IL1RAPL2: variants seen among roughly 807,000 people sequenced by gnomAD.
IL1RAPL2 encodes X-linked interleukin-1 receptor accessory protein-like 2.
Under a neutral mutation model 44.1 loss-of-function variants are expected in IL1RAPL2, and 3 were observed. The observed-to-expected ratio is 0.07, with a 90% CI of 0.03 to 0.18. IL1RAPL2 has a LOEUF of 0.18. Ranked by LOEUF, IL1RAPL2 falls within the 10% of genes least tolerant of loss-of-function variation. IL1RAPL2 has a pLI of 1.00. For missense variants in IL1RAPL2, 391 were observed against 496.4 expected, an observed-to-expected ratio of 0.79 and a Z score of 2.02; for synonymous variants, 181 against 178.8, an observed-to-expected ratio of 1.01 and a Z score of -0.10.
At chrX:105,305,498 C>A (rs954096946) in intron 5 of IL1RAPL2, among the ~76,000 whole-genome samples, 14 of 110,656 alleles carry the variant, frequency 1.3e-4, no homozygotes, top group Non-Finnish European at 2.5e-4. Flanking sequence ...CCACTCCTTT[C>A]TCTGTCTCCC....
chrX:105,150,137 A>C (rs1210065049), intron 2 of IL1RAPL2, among the ~76,000 whole-genome samples: 1 of 111,417 alleles, frequency 9.0e-6, no homozygotes, highest in Non-Finnish European at 1.9e-5. Context: ...ACATGACATC[A>C]AAACAAACTA....
At chrX:104,916,205 G>A (rs1333996357) in intron 2 of IL1RAPL2, among the ~76,000 whole-genome samples, 12 of 111,856 alleles carry the variant, frequency 1.1e-4, no homozygotes, top group Non-Finnish European at 2.1e-4. Flanking sequence ...CCATGAGCAT[G>A]GAATATTCTT....
intron 2 of IL1RAPL2, among the ~76,000 whole-genome samples, chrX:104,897,255 T>C (rs924048147): frequency 1.5e-4 from 17 of 112,120 alleles, no homozygotes; most frequent in Non-Finnish European, 2.4e-4. Context: ...TCTTCACACA[T>C]GCTCCTGGAG....
At chrX:105,425,191 G>A (rs1231912762) in intron 5 of IL1RAPL2, among the ~76,000 whole-genome samples, 1 of 111,173 alleles carries the variant, frequency 9.0e-6, no homozygotes, top group East Asian at 2.8e-4. Context: ...ACCTTGGAAG[G>A]GTATGGACAT....
chrX:105,528,947 C>T (rs926302249), intron 6 of IL1RAPL2, among the ~76,000 whole-genome samples: 1 of 111,414 alleles, frequency 9.0e-6, no homozygotes, highest in Non-Finnish European at 1.9e-5. Context: ...AGAACAGTTT[C>T]CAAGCCCTTT....
intron 2 of IL1RAPL2, among the ~76,000 whole-genome samples, chrX:104,797,196 C>G (rs79708337): frequency 5.1e-5 from 2 of 39,333 alleles, no homozygotes; most frequent in African/African-American, 1.7e-4. Flanking sequence ...CCCCCCCCCC[C>G]CCCCCGCAAA....
chrX:104,896,460 A>G (rs750434332), intron 2 of IL1RAPL2, among the ~76,000 whole-genome samples: 2 of 111,360 alleles, frequency 1.8e-5, no homozygotes, highest in African/African-American at 3.3e-5. Context: ...CCAATTCCCA[A>G]CAGCAGTTGG....
chrX:104,761,899 C>T (rs566175507), intron 2 of IL1RAPL2, among the ~76,000 whole-genome samples: 52 of 50,647 alleles, frequency 1.0e-3, no homozygotes, highest in Non-Finnish European at 1.2e-3. Flanking sequence ...TTCTCCTTCT[C>T]CTTCTCCTTC....
chrX:105,266,640 C>T (rs1241047123), intron 4 of IL1RAPL2, among the ~76,000 whole-genome samples: 2 of 111,672 alleles, frequency 1.8e-5, no homozygotes, highest in Non-Finnish European at 3.8e-5. Context: ...ACATTCCTAT[C>T]AGGAGAGTAA....
At chrX:104,869,681 A>G (rs372124372) in intron 2 of IL1RAPL2, among the ~76,000 whole-genome samples, 1 of 112,127 alleles carries the variant, frequency 8.9e-6, no homozygotes, top group East Asian at 2.8e-4. Flanking sequence ...AACATTAGGT[A>G]TATCTCCTAT....
chrX:104,713,414 G>T (rs1056752484), intron 2 of IL1RAPL2, among the ~76,000 whole-genome samples: 1 of 110,763 alleles, frequency 9.0e-6, no homozygotes, highest in Non-Finnish European at 1.9e-5. Context: ...CACATTACTT[G>T]AAATTGTTTA....
At chrX:105,341,876 A>T (rs2035073216) in intron 5 of IL1RAPL2, among the ~76,000 whole-genome samples, 1 of 110,666 alleles carries the variant, frequency 9.0e-6, no homozygotes, top group South Asian at 3.9e-4. Flanking sequence ...GTTTGCTGTG[A>T]GCGGAAAGAT....
At chrX:104,574,469 A>C (rs1928208075) in intron 1 of IL1RAPL2, among the ~76,000 whole-genome samples, 1 of 111,979 alleles carries the variant, frequency 8.9e-6, no homozygotes, top group African/African-American at 3.3e-5. Flanking sequence ...GTACTGTTTA[A>C]ATTGGTCCAT....
chrX:105,358,607 C>T (rs1360371368), intron 5 of IL1RAPL2, among the ~76,000 whole-genome samples: 2 of 101,575 alleles, frequency 2.0e-5, no homozygotes, highest in South Asian at 4.4e-4. Flanking sequence ...GCTGGGTGGT[C>T]GAGGCTGCAG....
intron 2 of IL1RAPL2, among the ~76,000 whole-genome samples, chrX:105,097,258 C>T (rs1339764932): frequency 1.0e-5 from 1 of 96,627 alleles, no homozygotes; most frequent in Non-Finnish European, 2.0e-5. Flanking sequence ...ACCCGGGAGG[C>T]GGAGCTTGCA....
chrX:104,869,031 G>T (rs1922689704), intron 2 of IL1RAPL2, among the ~76,000 whole-genome samples: 1 of 111,004 alleles, frequency 9.0e-6, no homozygotes, highest in African/African-American at 3.3e-5. Flanking sequence ...AAACACTGTT[G>T]CCTGGGATGA....
intron 2 of IL1RAPL2, among the ~76,000 whole-genome samples, chrX:105,011,352 C>T (rs2031044383): frequency 9.0e-6 from 1 of 111,002 alleles, no homozygotes; most frequent in Non-Finnish European, 1.9e-5. Flanking sequence ...TTTTTAGTTG[C>T]TTCTTTAAAA....
chrX:105,499,110 T>A (rs1044545284), intron 6 of IL1RAPL2, among the ~76,000 whole-genome samples: 1 of 111,471 alleles, frequency 9.0e-6, no homozygotes, highest in African/African-American at 3.3e-5. Context: ...ATGGAAAAAT[T>A]GTCTTCCACA....
At chrX:105,145,214 C>A (rs964976546) in intron 2 of IL1RAPL2, among the ~76,000 whole-genome samples, 1 of 111,934 alleles carries the variant, frequency 8.9e-6, no homozygotes, top group Admixed American at 9.5e-5. Flanking sequence ...GAATAGTGAC[C>A]ACTATTTTAG....
Sources: gnomAD v4.1 joint callset for allele counts (sites outside exome capture counted in the v4.1 genomes callset) on GRCh38, gnomAD v4.1.1 for gene constraint, MANE v1.5 for transcripts, NCBI Gene and HGNC (gene_info 2026-07-23, HGNC 2026-07-21) for gene names.